Variants in SUGCT observed in about 807,000 individuals in gnomAD.
SUGCT encodes the protein succinyl-CoA:glutarate-CoA transferase.
Under a neutral mutation model 55.0 loss-of-function variants are expected in SUGCT, and 41 were observed. That is an observed-to-expected ratio of 0.74 (90% CI 0.58 to 0.97). The LOEUF is 0.97. Ranked by LOEUF, SUGCT falls within the 50% of genes least tolerant of loss-of-function variation. The pLI is 0.00. For synonymous variants in SUGCT, 187 were observed against 200.4 expected (o/e 0.93, Z 0.56); for missense variants, 568 against 547.8 (o/e 1.04, Z -0.37).
At chr7:40,478,158 T>A (rs1323867699) in intron 11 of SUGCT, among the ~76,000 whole-genome samples, 1 of 152,106 alleles carries the variant, frequency 6.6e-6, no homozygotes, top group African/African-American at 2.4e-5. Context: ...TACGCCACCA[T>A]GCCTGGCTAA....
chr7:40,655,220 G>T (rs921903445), intron 12 of SUGCT, among the ~76,000 whole-genome samples: 1 of 152,136 alleles, frequency 6.6e-6, no homozygotes, highest in Admixed American at 6.5e-5. Flanking sequence ...CTTGAACCCA[G>T]GAGGTCAGGC....
At chr7:40,957,903 A>G in the SUGCT span, among the ~76,000 whole-genome samples, 1 of 152,040 alleles carries the variant, frequency 6.6e-6, no homozygotes, top group African/African-American at 2.4e-5. Context: ...AAAGGATTTT[A>G]TTTCTCCTTC....
intron 9 of SUGCT, among the ~76,000 whole-genome samples, chr7:40,424,473 C>T (rs1787477709): frequency 6.6e-6 from 1 of 152,038 alleles, no homozygotes; most frequent in Admixed American, 6.6e-5. Context: ...TCTTCTGGAT[C>T]TTGAGGTTCT....
chr7:40,290,798 C>G (rs1032334864), intron 8 of SUGCT, among the ~76,000 whole-genome samples: 6 of 152,036 alleles, frequency 3.9e-5, no homozygotes, highest in African/African-American at 1.2e-4. Context: ...TGAACTCAAA[C>G]AAATCTACAA....
At chr7:40,318,934 G>A (rs1279248292) in intron 9 of SUGCT, among the ~76,000 whole-genome samples, 1 of 152,164 alleles carries the variant, frequency 6.6e-6, no homozygotes, top group Non-Finnish European at 1.5e-5. Flanking sequence ...TTCTGGGCAT[G>A]TGCACCTAGA....
At chr7:40,710,428 G>A (rs1049033228) in intron 12 of SUGCT, among the ~76,000 whole-genome samples, 1 of 152,116 alleles carries the variant, frequency 6.6e-6, no homozygotes, top group African/African-American at 2.4e-5. Context: ...CTGTTTTATA[G>A]ATGGTGAGTA....
chr7:40,523,023 T>C (rs1203791286), intron 12 of SUGCT, among the ~76,000 whole-genome samples: 1 of 152,120 alleles, frequency 6.6e-6, no homozygotes, highest in Non-Finnish European at 1.5e-5. Context: ...GGGAAGTGAA[T>C]ATCCCTTTTG....
chr7:40,387,688 A>G (rs1257301518), intron 9 of SUGCT, among the ~76,000 whole-genome samples: 2 of 152,064 alleles, frequency 1.3e-5, no homozygotes, highest in African/African-American at 4.8e-5. Context: ...TTAAAGGAGG[A>G]TGATAATAAT....
At chr7:40,551,900 A>G (rs1795317307) in intron 12 of SUGCT, among the ~76,000 whole-genome samples, 1 of 152,210 alleles carries the variant, frequency 6.6e-6, no homozygotes, top group Admixed American at 6.5e-5. Flanking sequence ...TCAGCATTGT[A>G]CTTGACTTGC....
At chr7:40,538,546 C>CT (rs1257031986) in intron 12 of SUGCT, 1 of 152,174 alleles carries the variant, frequency 6.6e-6, no homozygotes, top group African/African-American at 2.4e-5. Flanking sequence ...ATTCTGTCCT[C>CT]TAAGTTTCTG....
At chr7:40,957,288 A>T in the SUGCT span, among the ~76,000 whole-genome samples, 2 of 152,080 alleles carry the variant, frequency 1.3e-5, no homozygotes, top group African/African-American at 4.8e-5. Context: ...TTGCTTTATG[A>T]ATCTGGGTGC....
chr7:40,666,419 G>GTTTTT lies in SUGCT; in HGVS notation c.1090-82994_1090-82990dup, dbSNP rs70990637. On this transcript the variant is annotated intron_variant, in intron 12 of 13. Coordinates refer to ENST00000335693, the MANE Select transcript of SUGCT (RefSeq NM_001193313.2). ...AGAAAGAAAGTAGGGTTATAGGTTA[G>GTTTTT]TTTTTTTTTTTTTTTTTTTTTTTTT... Among the ~76,000 whole-genome samples, 506 of 72,226 alleles carry GTTTTT rather than the reference G, an allele frequency of 7.0e-3. 40 individuals carry two copies. Among genetic ancestry groups the GTTTTT allele is most frequent in the Non-Finnish European group, 9.5e-3 (386 of 40,456 alleles). The allele number at this position is 72,226 out of a possible 152,430, so 47.4% of individuals were successfully genotyped here.
At chr7:40,318,562 G>A (rs1045335533) in intron 9 of SUGCT, among the ~76,000 whole-genome samples, 7 of 152,158 alleles carry the variant, frequency 4.6e-5, no homozygotes, top group Non-Finnish European at 7.4e-5. Context: ...TCCACCTCCT[G>A]AGTAGCTGGG....
intron 12 of SUGCT, among the ~76,000 whole-genome samples, chr7:40,667,412 C>T (rs1442934357): frequency 6.6e-6 from 1 of 151,944 alleles, no homozygotes; most frequent in Non-Finnish European, 1.5e-5. Context: ...TTTTCTTTGT[C>T]TGTTGTGTCT....
chr7:40,769,682 A>G (rs1426885607), intron 13 of SUGCT, among the ~76,000 whole-genome samples: 1 of 152,234 alleles, frequency 6.6e-6, no homozygotes, highest in Non-Finnish European at 1.5e-5. Flanking sequence ...CTTTAGCTTT[A>G]GCCTAATGAA....
In SUGCT at chr7:40,429,526, A is replaced by C. The variant is rs554625745; in HGVS notation, c.817-19761A>C. Among the ~76,000 whole-genome samples, 3 of 152,318 alleles carry C rather than the reference A, an allele frequency of 2.0e-5. No individual in the cohort carries two copies. The South Asian group carries it at 6.2e-4, about 32-fold the overall frequency. ...GCAGCCAACCTTCAGTCTGTGGTCA[A>C]AGGTCCACGAGTCCAAAAGCTGAAG... is the stretch of plus-strand genomic sequence containing the variant. On this transcript the variant is annotated intron_variant, in intron 9 of 13. Transcript: ENST00000335693.
chr7:40,522,105 C>A (rs1205209270), intron 12 of SUGCT, among the ~76,000 whole-genome samples: 4 of 152,198 alleles, frequency 2.6e-5, no homozygotes, highest in Non-Finnish European at 2.9e-5. Flanking sequence ...TTCCCCTTTT[C>A]TGTTTTTCTG....
intron 7 of SUGCT, among the ~76,000 whole-genome samples, chr7:40,247,694 C>T (rs945631491): frequency 5.3e-5 from 8 of 152,152 alleles, no homozygotes; most frequent in East Asian, 1.9e-4. Flanking sequence ...CTATAGGTTC[C>T]GGCCTTTCCT....
chr7:40,384,014 C>A (rs544527587), intron 9 of SUGCT, among the ~76,000 whole-genome samples: 1 of 152,240 alleles, frequency 6.6e-6, no homozygotes, highest in South Asian at 2.1e-4. Context: ...GATGGTGTAA[C>A]TAAATAATTA....
Sources: gnomAD v4.1 joint callset for allele counts (sites outside exome capture counted in the v4.1 genomes callset) on GRCh38, gnomAD v4.1.1 for gene constraint, MANE v1.5 for transcripts, NCBI Gene and HGNC (gene_info 2026-07-23, HGNC 2026-07-21) for gene names.